Variants in SCARA5 observed in about 807,000 individuals in gnomAD.
The protein encoded by SCARA5 is scavenger receptor class A member 5, also known as scavenger receptor class A, member 5 (putative).
SCARA5 carries 45 observed loss-of-function variants against 46.3 expected under a neutral mutation model. The ratio of observed to expected loss-of-function variants is 0.97; its 90% confidence interval spans 0.76 to 1.24. The LOEUF (loss-of-function observed/expected upper bound fraction) is 1.24, where lower values mean the gene tolerates loss of function less well. Ranked by LOEUF, SCARA5 falls within the 50% of genes most tolerant of loss-of-function variation. The probability of loss-of-function intolerance (pLI) is 0.00; values close to 1 mark genes in which losing one functional copy is unlikely to be tolerated. For synonymous variants in SCARA5, 333 were observed against 306.5 expected (o/e 1.09, Z -0.90); for missense variants, 680 against 689.0 (o/e 0.99, Z 0.15).
chr8:27,963,056 A>ATCCCAGATCTTTTCACTTCCCCTT (rs1393522564), intron 3 of SCARA5, among the ~76,000 whole-genome samples: 3 of 152,138 alleles, frequency 2.0e-5, no homozygotes, highest in Non-Finnish European at 2.9e-5. Flanking sequence ...CCACATTCGA[A>ATCCCAGATCTTTTCACTTCCCCTT]TCCCAGATCT....
intron 7 of SCARA5, among the ~76,000 whole-genome samples, chr8:27,893,079 T>G (rs1807012451): frequency 6.6e-6 from 1 of 152,176 alleles, no homozygotes; most frequent in South Asian, 2.1e-4. Context: ...TGGGATGGCT[T>G]GGACACCAGT....
chr8:27,941,089 A>T (rs941796765), intron 3 of SCARA5, among the ~76,000 whole-genome samples: 9 of 151,710 alleles, frequency 5.9e-5, no homozygotes, highest in African/African-American at 2.2e-4. Context: ...AACTTTTAAC[A>T]TCATATAGTT....
chr8:27,936,049 C>T (rs1482563340), intron 3 of SCARA5, among the ~76,000 whole-genome samples: 1 of 152,090 alleles, frequency 6.6e-6, no homozygotes, highest in Non-Finnish European at 1.5e-5. Flanking sequence ...GCCTATGCCC[C>T]GCCAGCCCCT....
intron 4 of SCARA5, among the ~76,000 whole-genome samples, chr8:27,919,073 G>A (rs1180744440): frequency 1.4e-5 from 2 of 142,130 alleles, no homozygotes; most frequent in Non-Finnish European, 3.1e-5. Context: ...AAGGGAGGAG[G>A]AGGAGAGAAG....
chr8:27,904,259 G>A (rs1003028209), intron 7 of SCARA5: 2 of 159,188 alleles, frequency 1.3e-5, no homozygotes, highest in African/African-American at 4.8e-5. Context: ...AGGGAGGGGA[G>A]GCCTTTAACA....
intron 3 of SCARA5, among the ~76,000 whole-genome samples, chr8:27,936,969 C>A (rs1807867489): frequency 1.3e-5 from 2 of 152,178 alleles, no homozygotes; most frequent in African/African-American, 4.8e-5. Context: ...TCAAAAGCCT[C>A]CTATTGAGAA....
At chr8:27,991,851 A>G (rs1254392062) in intron 1 of SCARA5, among the ~76,000 whole-genome samples, 1 of 151,464 alleles carries the variant, frequency 6.6e-6, no homozygotes, top group Non-Finnish European at 1.5e-5. Flanking sequence ...ACATGCACAC[A>G]CACACACATG....
At chr8:27,965,013 C>T (rs2129934756) in intron 3 of SCARA5, among the ~76,000 whole-genome samples, 1 of 152,324 alleles carries the variant, frequency 6.6e-6, no homozygotes, top group South Asian at 2.1e-4. Context: ...TTCAAATCCT[C>T]CTCTGGCCCA....
At chr8:27,909,097 G>A (rs987353010) in intron 5 of SCARA5, 2 of 152,222 alleles carry the variant, frequency 1.3e-5, no homozygotes, top group Non-Finnish European at 2.9e-5. Flanking sequence ...GGGAGACAGT[G>A]AGTCTAAGAA....
intron 3 of SCARA5, among the ~76,000 whole-genome samples, chr8:27,960,027 A>G (rs1808270764): frequency 6.6e-6 from 1 of 152,246 alleles, no homozygotes; most frequent in Non-Finnish European, 1.5e-5. Flanking sequence ...AAACATGTGC[A>G]TATGGACACG....
chr8:27,941,357 T>A (rs560720384), intron 3 of SCARA5, among the ~76,000 whole-genome samples: 81 of 152,364 alleles, frequency 5.3e-4, no homozygotes, highest in South Asian at 1.0e-3. Flanking sequence ...CCCGCTATGC[T>A]GATACATACT....
intron 2 of SCARA5, among the ~76,000 whole-genome samples, chr8:27,968,955 G>C (rs534397150): frequency 6.6e-6 from 1 of 152,338 alleles, no homozygotes; most frequent in Non-Finnish European, 1.5e-5. Flanking sequence ...TCCTTTGAGA[G>C]AGTTTAGTTC....
chr8:27,980,585 C>T (rs944042752), intron 2 of SCARA5, among the ~76,000 whole-genome samples: 2 of 152,142 alleles, frequency 1.3e-5, no homozygotes, highest in African/African-American at 2.4e-5. Flanking sequence ...GGAAAGGCGC[C>T]CCTGGTGCCT....
intron 4 of SCARA5, among the ~76,000 whole-genome samples, chr8:27,920,903 G>GA (rs1470944637): frequency 6.6e-6 from 1 of 152,128 alleles, no homozygotes; most frequent in Non-Finnish European, 1.5e-5. Context: ...GTGAACCCGG[G>GA]AGGTGGAGCT....
intron 8 of SCARA5, among the ~76,000 whole-genome samples, chr8:27,875,154 C>G (rs910643426): frequency 6.6e-6 from 1 of 151,842 alleles, no homozygotes; most frequent in Non-Finnish European, 1.5e-5. Flanking sequence ...CTTCTTTCTT[C>G]CTTCCTCTCT....
chr8:27,990,683 C>G (rs374384766), intron 1 of SCARA5, among the ~76,000 whole-genome samples: 1 of 152,292 alleles, frequency 6.6e-6, no homozygotes, highest in South Asian at 2.1e-4. Flanking sequence ...GGCCCCAGAT[C>G]AGGCAGAGAA....
chr8:27,990,010 C>T (rs979577211), intron 1 of SCARA5, among the ~76,000 whole-genome samples: 1 of 152,262 alleles, frequency 6.6e-6, no homozygotes, highest in Non-Finnish European at 1.5e-5. Flanking sequence ...CCAGAGGCCA[C>T]ACAGAGCCAG....
At chr8:27,958,066 T>C (rs1403249844) in intron 3 of SCARA5, among the ~76,000 whole-genome samples, 1 of 152,182 alleles carries the variant, frequency 6.6e-6, no homozygotes, top group East Asian at 1.9e-4. Flanking sequence ...CCTAGAAGGA[T>C]TGCAGTGGGA....
At chr8:27,949,821 C>A (rs1808095924) in intron 3 of SCARA5, among the ~76,000 whole-genome samples, 1 of 152,230 alleles carries the variant, frequency 6.6e-6, no homozygotes, top group South Asian at 2.1e-4. Flanking sequence ...GGACATGGGT[C>A]TGGCTCCTGA....
Sources: gnomAD v4.1 joint callset for allele counts (sites outside exome capture counted in the v4.1 genomes callset) on GRCh38, gnomAD v4.1.1 for gene constraint, MANE v1.5 for transcripts, NCBI Gene and HGNC (gene_info 2026-07-23, HGNC 2026-07-21) for gene names.